The following CCZ1B variants were observed in gnomAD, a reference collection of about 807,000 sequenced individuals.
CCZ1B encodes the protein CCZ1B vacuolar protein trafficking and biogenesis associated.
A neutral mutation model predicts 58.8 loss-of-function variants in CCZ1B; 25 were observed. The ratio of observed to expected loss-of-function variants is 0.43; its 90% confidence interval spans 0.31 to 0.59. The LOEUF (loss-of-function observed/expected upper bound fraction) is 0.59, where lower values mean the gene tolerates loss of function less well. Ranked by LOEUF, CCZ1B falls within the 20% of genes least tolerant of loss-of-function variation. The probability of loss-of-function intolerance (pLI) is 0.12; values close to 1 mark genes in which losing one functional copy is unlikely to be tolerated. For synonymous variants in CCZ1B, 66 were observed against 173.2 expected (o/e 0.38, Z 4.86); for missense variants, 180 against 501.5 (o/e 0.36, Z 6.12).
At chr7:6,815,402 G>C (rs919273270) in intron 7 of CCZ1B, among the ~76,000 whole-genome samples, 1 of 149,496 alleles carries the variant, frequency 6.7e-6, no homozygotes, top group South Asian at 2.1e-4. Flanking sequence ...GACTCAAGCA[G>C]TGCTCCCGCC....
chr7:6,817,042 G>A (rs1431791593), intron 7 of CCZ1B, among the ~76,000 whole-genome samples: 1 of 152,310 alleles, frequency 6.6e-6, no homozygotes, highest in South Asian at 2.1e-4. Context: ...GGGATGACAG[G>A]TGTAAGCGTT....
At chr7:6,820,786 T>C (rs1008467698) in intron 6 of CCZ1B, among the ~76,000 whole-genome samples, 3 of 148,148 alleles carry the variant, frequency 2.0e-5, no homozygotes, top group African/African-American at 5.1e-5. Flanking sequence ...CCGGGCGTGG[T>C]AGCCTGTAAT....
chr7:6,819,550 G>A (rs2711267), intron 7 of CCZ1B, among the ~76,000 whole-genome samples: 14 of 148,516 alleles, frequency 9.4e-5, no homozygotes, highest in Admixed American at 2.7e-4. Flanking sequence ...CTTTCATGCA[G>A]CCAGTTTTAA....
At chr7:6,816,709 G>A (rs79869764) in intron 7 of CCZ1B, among the ~76,000 whole-genome samples, 35,440 of 147,766 alleles carry the variant, frequency 0.24, 1,532 homozygotes, top group South Asian at 0.4. Context: ...AGTCTTTTTG[G>A]TATTTAATAT....
intron 7 of CCZ1B, among the ~76,000 whole-genome samples, chr7:6,816,768 T>G (rs1783007353): frequency 6.6e-6 from 1 of 151,660 alleles, no homozygotes; most frequent in Non-Finnish European, 1.5e-5. Flanking sequence ...TTTTTCTTTT[T>G]CTTAGACAGG....
chr7:6,812,214 C>A, intron 9 of CCZ1B, 151 bp from the exon 10 acceptor site: 2 of 792,554 alleles, frequency 2.5e-6, no homozygotes, highest in Non-Finnish European at 4.1e-6. Flanking sequence ...GCCGGCTGGG[C>A]GTGGTGGCTC....
intron 5 of CCZ1B, among the ~76,000 whole-genome samples, chr7:6,823,030 A>G: frequency 6.8e-6 from 1 of 147,014 alleles, no homozygotes; most frequent in East Asian, 1.9e-4. Flanking sequence ...AAATCATAAA[A>G]TTATCTGCAT....
chr7:6,825,071 G>C (rs748241600), intron 1 of CCZ1B, among the ~76,000 whole-genome samples: 3 of 150,478 alleles, frequency 2.0e-5, no homozygotes, highest in African/African-American at 5.0e-5. Context: ...AGTCACATCT[G>C]AAGTAGCACC....
chr7:6,818,566 AGAAAGAAAGACAGAAAGAAAGACAGAC>A (rs1783047252), intron 7 of CCZ1B, among the ~76,000 whole-genome samples: 6 of 92,552 alleles, frequency 6.5e-5, no homozygotes, highest in African/African-American at 2.1e-4. Context: ...AAAGAAAGAC[AGAAAGAAAGACAGAAAGAAAGACAGAC>A]AGAAAGAAAG....
chr7:6,818,964 G>A (rs1448130021), intron 7 of CCZ1B, among the ~76,000 whole-genome samples: 1 of 147,482 alleles, frequency 6.8e-6, no homozygotes, highest in Non-Finnish European at 1.5e-5. Flanking sequence ...TAACACTTTG[G>A]ATTTCTTGGA....
At chr7:6,806,398 CT>C (rs1217995267) in intron 10 of CCZ1B, 1 of 210,452 alleles carries the variant, frequency 4.8e-6, no homozygotes, top group Non-Finnish European at 7.8e-6. Flanking sequence ...TAGGGGTTCA[CT>C]GTTCTAATCT....
At chr7:6,803,625 C>T (rs1345710144) in intron 12 of CCZ1B, among the ~76,000 whole-genome samples, 1 of 139,256 alleles carries the variant, frequency 7.2e-6, no homozygotes, top group South Asian at 2.8e-4. Context: ...CACCTTTGCT[C>T]GCTTCTGCGC....
chr7:6,821,154 G>T (rs371031953), intron 6 of CCZ1B, among the ~76,000 whole-genome samples: 19 of 149,220 alleles, frequency 1.3e-4, no homozygotes, highest in Admixed American at 8.0e-4. Flanking sequence ...GATTACAGGC[G>T]TGCGCCACCA....
At chr7:6,820,629 A>T (rs142566632) in intron 6 of CCZ1B, among the ~76,000 whole-genome samples, 26,352 of 143,934 alleles carry the variant, frequency 0.18, 3,423 homozygotes, top group South Asian at 0.37. Context: ...ACTTTCAAGT[A>T]TTTAATTCCT....
Position 6,818,553 on chromosome 7 carries a change from A to AAGAAAGACAGAC in CCZ1B, c.698+1212_698+1213insGTCTGTCTTTCT, listed in dbSNP as rs1562431163. On this transcript the variant is annotated intron_variant, in intron 7 of 14. Transcript: ENST00000316731. ...ACAGAGTGAGACTCCGTTAGAAAGA[A>AAGAAAGACAGAC]AGAAAGAAAGACAGAAAGAAAGACA... Among the ~76,000 whole-genome samples, 54 of 108,248 alleles carry AAGAAAGACAGAC rather than the reference A, an allele frequency of 5.0e-4. 2 individuals carry two copies. The highest frequency in any genetic ancestry group is 9.4e-4 in the Non-Finnish European group (46 of 48,832). 71.0% of individuals were successfully genotyped at this position (108,248 alleles called of 152,430 possible). A position where few individuals can be genotyped will look rare whatever the true frequency, so the allele number is the denominator to read the frequency against.
chr7:6,813,150 T>C, intron 8 of CCZ1B, 113 bp from the exon 9 acceptor site: 7 of 1,355,024 alleles, frequency 5.2e-6, no homozygotes, highest in South Asian at 2.5e-5. Flanking sequence ...CTTTTTCTTT[T>C]AGAGACAGGA....
chr7:6,811,013 C>A (rs2115115918), intron 10 of CCZ1B, among the ~76,000 whole-genome samples: 1 of 151,602 alleles, frequency 6.6e-6, no homozygotes, highest in African/African-American at 2.4e-5. Context: ...CACTCTGGGT[C>A]TCTTCAGACT....
chr7:6,812,138 C>T, intron 9 of CCZ1B, 75 bp from the exon 10 acceptor site: 1 of 1,050,292 alleles, frequency 9.5e-7, no homozygotes, highest in Admixed American at 1.8e-5. Context: ...AGAACACACT[C>T]CCACTTCATA....
At chr7:6,824,381 T>C (rs1336635505) in intron 3 of CCZ1B, 74 bp downstream of exon 3, 1 of 1,498,234 alleles carries the variant, frequency 6.7e-7, no homozygotes, top group Non-Finnish European at 8.9e-7. Context: ...AGAACTTTCC[T>C]AAATTCTGAA....
Sources: gnomAD v4.1 joint callset for allele counts (sites outside exome capture counted in the v4.1 genomes callset) on GRCh38, gnomAD v4.1.1 for gene constraint, MANE v1.5 for transcripts, NCBI Gene and HGNC (gene_info 2026-07-23, HGNC 2026-07-21) for gene names.